CELF2: variants seen among roughly 807,000 people sequenced by gnomAD.
The protein encoded by CELF2 is CUGBP Elav-like family member 2.
Under a neutral mutation model 62.6 loss-of-function variants are expected in CELF2, and 8 were observed. The ratio of observed to expected loss-of-function variants is 0.13; its 90% confidence interval spans 0.07 to 0.23. CELF2 has a LOEUF of 0.23. Among genes scored for constraint, CELF2 ranks in the 10% least tolerant of loss-of-function variants. CELF2 has a pLI of 1.00. For synonymous variants in CELF2, 258 were observed against 250.0 expected, an observed-to-expected ratio of 1.03 and a Z score of -0.30; for missense variants, 333 against 671.0, an observed-to-expected ratio of 0.50 and a Z score of 5.56.
At chr10:10,963,438 A>C (rs2049773273) in intron 2 of CELF2, among the ~76,000 whole-genome samples, 1 of 152,172 alleles carries the variant, frequency 6.6e-6, no homozygotes, top group African/African-American at 2.4e-5. Flanking sequence ...GCTCTTCTTA[A>C]CGGGGCCTTT....
chr10:10,537,776 C>G, the CELF2 span, among the ~76,000 whole-genome samples: 1 of 152,234 alleles, frequency 6.6e-6, no homozygotes, highest in Non-Finnish European at 1.5e-5. Context: ...AGATCCCAAC[C>G]CCCATGAACA....
intron 1 of CELF2, among the ~76,000 whole-genome samples, chr10:11,105,012 G>A (rs1485645463): frequency 1.3e-5 from 2 of 152,216 alleles, no homozygotes; most frequent in African/African-American, 4.8e-5. Flanking sequence ...CCCTGGTTCA[G>A]CTGCGATGTA....
At chr10:11,124,127 G>T (rs1595733249) in intron 1 of CELF2, among the ~76,000 whole-genome samples, 2 of 152,116 alleles carry the variant, frequency 1.3e-5, no homozygotes, top group South Asian at 4.1e-4. Context: ...TGGGAGAACT[G>T]CCCCATGATT....
chr10:10,903,772 G>A (rs1274546998), intron 1 of CELF2, among the ~76,000 whole-genome samples: 1 of 152,210 alleles, frequency 6.6e-6, no homozygotes. Flanking sequence ...GAGTACAGCT[G>A]TGCTTGGGGA....
At chr10:10,785,474 A>C in the CELF2 span, among the ~76,000 whole-genome samples, 1 of 152,212 alleles carries the variant, frequency 6.6e-6, no homozygotes, top group Admixed American at 6.5e-5. Flanking sequence ...AGTCAACCTC[A>C]GTGTCAAACA....
chr10:10,524,683 A>G, the CELF2 span, among the ~76,000 whole-genome samples: 1 of 152,134 alleles, frequency 6.6e-6, no homozygotes, highest in Admixed American at 6.5e-5. Context: ...TTTAAGCACT[A>G]TCTTCTATTT....
chr10:11,066,319 C>T (rs1352848785), intron 1 of CELF2, among the ~76,000 whole-genome samples: 1 of 151,936 alleles, frequency 6.6e-6, no homozygotes, highest in African/African-American at 2.4e-5. Context: ...AGCAATAGCT[C>T]ATACTTGCTA....
At chr10:11,284,068 T>G in intron 8 of CELF2, among the ~76,000 whole-genome samples, 1 of 134,250 alleles carries the variant, frequency 7.4e-6, no homozygotes. Context: ...GAGTGTGTGG[T>G]GGGTGGATGA....
chr10:10,809,398 C>G (rs971750124), intron 1 of CELF2, among the ~76,000 whole-genome samples: 1 of 152,192 alleles, frequency 6.6e-6, no homozygotes, highest in African/African-American at 2.4e-5. Flanking sequence ...TCTGAGCAGA[C>G]TAATCACAAC....
intron 2 of CELF2, among the ~76,000 whole-genome samples, chr10:10,945,549 CTT>C (rs986812012): frequency 1.8e-4 from 28 of 152,316 alleles, no homozygotes; most frequent in African/African-American, 5.8e-4. Context: ...CTGGGCCTGA[CTT>C]AGGTGGGCTT....
the CELF2 span, among the ~76,000 whole-genome samples, chr10:10,753,251 A>C: frequency 6.6e-6 from 1 of 152,036 alleles, no homozygotes; most frequent in Non-Finnish European, 1.5e-5. Context: ...ATCAAGGGTC[A>C]CATTTTAAAA....
At chr10:10,624,050 C>A in the CELF2 span, among the ~76,000 whole-genome samples, 1 of 152,134 alleles carries the variant, frequency 6.6e-6, no homozygotes, top group Non-Finnish European at 1.5e-5. Flanking sequence ...CTTGTCTCTG[C>A]GTTTCCAATT....
chr10:10,678,302 AC>A, the CELF2 span, among the ~76,000 whole-genome samples: 6 of 151,736 alleles, frequency 4.0e-5, no homozygotes, highest in African/African-American at 9.7e-5. Flanking sequence ...GTTTTGCCTT[AC>A]TGTGACCGTA....
chr10:10,661,097 A>G, the CELF2 span, among the ~76,000 whole-genome samples: 1 of 152,256 alleles, frequency 6.6e-6, no homozygotes, highest in Non-Finnish European at 1.5e-5. Flanking sequence ...GTGTTCTTCA[A>G]TAAGTTTTGA....
intron 1 of CELF2, among the ~76,000 whole-genome samples, chr10:11,161,251 G>A (rs1002364183): frequency 4.6e-5 from 7 of 152,224 alleles, no homozygotes; most frequent in African/African-American, 9.6e-5. Context: ...GCAGACTTGC[G>A]GTCTTATTCC....
At chr10:10,508,690 G>A in the CELF2 span, among the ~76,000 whole-genome samples, 1 of 82,002 alleles carries the variant, frequency 1.2e-5, no homozygotes, top group African/African-American at 4.0e-5. Flanking sequence ...GTGTGTGTGT[G>A]TGTGTGTGTG....
At chr10:11,069,164 G>C (rs1316235618) in intron 1 of CELF2, among the ~76,000 whole-genome samples, 1 of 152,042 alleles carries the variant, frequency 6.6e-6, no homozygotes, top group African/African-American at 2.4e-5. Context: ...ACAGTTTTTT[G>C]TATCTTTCAA....
Position 11,053,173 on chromosome 10 carries a change from G to A in CELF2, c.74+35010G>A, listed in dbSNP as rs2064297663. Among the ~76,000 whole-genome samples the A allele has an allele frequency of 2.6e-5, 4 of 152,194 alleles. No homozygotes were observed. In the South Asian group the frequency reaches 8.3e-4, roughly 32 times the overall value. ...TATCAACCATAAACACTGTAATTAT[G>A]TGACACATTCTCTGGACATTTGTTT... On this transcript the variant is annotated intron_variant, in intron 1 of 12. Transcript: ENST00000633077.
At chr10:10,961,319 G>T (rs962980863) in intron 2 of CELF2, among the ~76,000 whole-genome samples, 1 of 152,158 alleles carries the variant, frequency 6.6e-6, no homozygotes, top group Non-Finnish European at 1.5e-5. Context: ...ACTTCCTGAA[G>T]AGAAAAACTA....
Sources: gnomAD v4.1 joint callset for allele counts (sites outside exome capture counted in the v4.1 genomes callset) on GRCh38, gnomAD v4.1.1 for gene constraint, MANE v1.5 for transcripts, NCBI Gene and HGNC (gene_info 2026-07-23, HGNC 2026-07-21) for gene names.